CHLSN: variants seen among roughly 807,000 people sequenced by gnomAD.
CHLSN encodes the protein cholesin.
At chr7:1,096,030 G>C in the CHLSN span, among the ~76,000 whole-genome samples, 17 of 152,294 alleles carry the variant, frequency 1.1e-4, no homozygotes, top group Non-Finnish European at 1.9e-4. The surrounding 1 kb of genome is among the most constrained non-coding windows in gnomAD (Gnocchi z 4.6). Flanking sequence ...AATCAGGGAC[G>C]GGACTCAACT....
the CHLSN span, chr7:1,088,075 G>A: frequency 6.6e-6 from 1 of 152,346 alleles, no homozygotes; most frequent in South Asian, 2.1e-4. This position sits in a 1 kb window ranked among gnomAD's most constrained non-coding sequence, Gnocchi z 4.5. Flanking sequence ...GAGCGGGGCG[G>A]AGGGGGCCTA....
the CHLSN span, among the ~76,000 whole-genome samples, chr7:1,032,900 A>G: frequency 2.0e-5 from 3 of 152,154 alleles, no homozygotes; most frequent in Admixed American, 6.5e-5. Context: ...TGCCTGACCA[A>G]TCCTGCACGC....
chr7:980,022 T>C, the CHLSN span, among the ~76,000 whole-genome samples: 1 of 152,228 alleles, frequency 6.6e-6, no homozygotes, highest in African/African-American at 2.4e-5. Flanking sequence ...TCTGCTACTT[T>C]GTGTCACAAA....
the CHLSN span, among the ~76,000 whole-genome samples, chr7:1,002,483 G>GA: frequency 8.8e-6 from 1 of 113,628 alleles, no homozygotes; most frequent in Non-Finnish European, 1.9e-5. Flanking sequence ...TCCTGTGGGT[G>GA]GGGAGTCCTG....
chr7:1,054,202 A>C, the CHLSN span, among the ~76,000 whole-genome samples: 3 of 152,234 alleles, frequency 2.0e-5, no homozygotes, highest in African/African-American at 7.2e-5. Context: ...CTCCAGGGAG[A>C]ATGTTGGGGC....
chr7:998,796 G>T, the CHLSN span, among the ~76,000 whole-genome samples: 1 of 152,086 alleles, frequency 6.6e-6, no homozygotes, highest in Non-Finnish European at 1.5e-5. Context: ...TTCCTTTGTC[G>T]CTTGTGCTTC....
the CHLSN span, among the ~76,000 whole-genome samples, chr7:990,869 G>T: frequency 5.3e-5 from 8 of 152,238 alleles, no homozygotes; most frequent in Non-Finnish European, 8.8e-5. Flanking sequence ...TCTGGAGGGT[G>T]CGGAACATTC....
chr7:999,992 C>A, the CHLSN span, among the ~76,000 whole-genome samples: 1 of 152,212 alleles, frequency 6.6e-6, no homozygotes, highest in Non-Finnish European at 1.5e-5. Context: ...CGCGCACACA[C>A]GTGTAGACAC....
chr7:1,111,487 G>C, the CHLSN span, among the ~76,000 whole-genome samples: 4 of 152,244 alleles, frequency 2.6e-5, no homozygotes, highest in Non-Finnish European at 4.4e-5. Flanking sequence ...AGGGCCTGCT[G>C]TTTGTCGTTT....
At chr7:979,832 A>G in the CHLSN span, among the ~76,000 whole-genome samples, 2 of 152,042 alleles carry the variant, frequency 1.3e-5, no homozygotes, top group African/African-American at 4.8e-5. Context: ...GCGCCCAGTC[A>G]CTGAGGCAGG....
the CHLSN span, among the ~76,000 whole-genome samples, chr7:1,040,653 C>T: frequency 6.7e-6 from 1 of 149,380 alleles, no homozygotes; most frequent in South Asian, 2.1e-4. Context: ...AATTCTTAAC[C>T]ATGACACCAA....
the CHLSN span, among the ~76,000 whole-genome samples, chr7:1,023,654 CACACACACACACACACACACACA>C: frequency 6.0e-5 from 9 of 149,750 alleles, no homozygotes; most frequent in Non-Finnish European, 1.2e-4. The surrounding 1 kb of genome is among the most constrained non-coding windows in gnomAD (Gnocchi z 5.0). Flanking sequence ...CACACACACA[CACACACACACACACACACACACA>C]CCAGCAACGC....
chr7:990,029 G>A, the CHLSN span, among the ~76,000 whole-genome samples: 1 of 10,730 alleles, frequency 9.3e-5, no homozygotes, highest in South Asian at 3.6e-3. Flanking sequence ...GCTGGGGGCG[G>A]TGTGGTCGGC....
At chr7:1,017,098 C>T in the CHLSN span, among the ~76,000 whole-genome samples, 134 of 152,332 alleles carry the variant, frequency 8.8e-4, no homozygotes, top group African/African-American at 3.1e-3. Flanking sequence ...CCGGACCACT[C>T]GGAAGCCTTG....
At chr7:1,103,860 C>T in the CHLSN span, among the ~76,000 whole-genome samples, 2 of 152,348 alleles carry the variant, frequency 1.3e-5, no homozygotes, top group Admixed American at 1.3e-4. Flanking sequence ...GGGTGGGCTC[C>T]CAAGGACCAG....
the CHLSN span, among the ~76,000 whole-genome samples, chr7:1,033,621 A>T: frequency 6.6e-6 from 1 of 152,146 alleles, no homozygotes; most frequent in African/African-American, 2.4e-5. Flanking sequence ...AAGAAATACG[A>T]CGTGGTCAAA....
At chr7:1,036,688 C>CAG in the CHLSN span, among the ~76,000 whole-genome samples, 1 of 149,224 alleles carries the variant, frequency 6.7e-6, no homozygotes. Context: ...AAAAAAAATC[C>CAG]GATAGGGGAA....
chr7:1,085,432 C>T, the CHLSN span, among the ~76,000 whole-genome samples: 3 of 152,132 alleles, frequency 2.0e-5, no homozygotes, highest in Admixed American at 1.3e-4. Flanking sequence ...TGTGAGGCCG[C>T]GGTGACACCA....
chr7:993,683 G>A, the CHLSN span, among the ~76,000 whole-genome samples: 1 of 152,190 alleles, frequency 6.6e-6, no homozygotes, highest in East Asian at 1.9e-4. Flanking sequence ...GGCTGAGGGA[G>A]GAGAATCGCC....
Sources: allele counts gnomAD v4.1 joint callset (sites outside exome capture counted in the v4.1 genomes callset), GRCh38; gene constraint gnomAD v4.1.1; non-coding constraint Gnocchi (gnomAD v3.1); transcripts MANE v1.5; gene names NCBI Gene and HGNC (gene_info 2026-07-23, HGNC 2026-07-21).